The following DAB2IP variants were observed in gnomAD, a reference collection of about 807,000 sequenced individuals.
The protein encoded by DAB2IP is disabled homolog 2-interacting protein.
In DAB2IP, 28 loss-of-function variants were observed where a neutral mutation model predicts 107.2. That is an observed-to-expected ratio of 0.26 (90% CI 0.19 to 0.36). The LOEUF (loss-of-function observed/expected upper bound fraction) is 0.36. Ranked by LOEUF, DAB2IP falls within the 10% of genes least tolerant of loss-of-function variation. The pLI is 1.00. For missense variants in DAB2IP, 1,400 were observed against 1,644.7 expected, an observed-to-expected ratio of 0.85 and a Z score of 2.57; for synonymous variants, 755 against 706.4, an observed-to-expected ratio of 1.07 and a Z score of -1.09.
At chr9:121,663,372 A>T (rs1288600236) in intron 1 of DAB2IP, among the ~76,000 whole-genome samples, 1 of 151,964 alleles carries the variant, frequency 6.6e-6, no homozygotes, top group East Asian at 1.9e-4. Context: ...TCTCATTAGC[A>T]CCTCTGCCCC....
At chr9:121,724,751 CA>C (rs1831139687) in intron 3 of DAB2IP, among the ~76,000 whole-genome samples, 1 of 152,180 alleles carries the variant, frequency 6.6e-6, no homozygotes, top group African/African-American at 2.4e-5. Context: ...CATACAGCTG[CA>C]GCGGGACAGA....
intron 3 of DAB2IP, among the ~76,000 whole-genome samples, chr9:121,738,113 C>T (rs995839699): frequency 2.6e-5 from 4 of 152,260 alleles, no homozygotes; most frequent in East Asian, 3.9e-4. Flanking sequence ...TTGTGGGGCA[C>T]CTGGAAGGTG....
At chr9:121,657,462 C>T (rs1833014283) in intron 1 of DAB2IP, among the ~76,000 whole-genome samples, 1 of 152,172 alleles carries the variant, frequency 6.6e-6, no homozygotes, top group Admixed American at 6.5e-5. Context: ...CCAAGAGCTC[C>T]CCCTGATTAC....
At chr9:121,743,807 C>T (rs966168745) in intron 3 of DAB2IP, among the ~76,000 whole-genome samples, 6 of 152,192 alleles carry the variant, frequency 3.9e-5, no homozygotes, top group African/African-American at 9.7e-5. Flanking sequence ...ATGAGCTGGG[C>T]GGCAGCAGAC....
At chr9:121,661,438 G>T (rs1056335725) in intron 1 of DAB2IP, among the ~76,000 whole-genome samples, 1 of 152,100 alleles carries the variant, frequency 6.6e-6, no homozygotes, top group Non-Finnish European at 1.5e-5. Context: ...CTCCCCATCA[G>T]GAGCAGCCTC....
intron 1 of DAB2IP, among the ~76,000 whole-genome samples, chr9:121,606,993 T>C (rs1247079452): frequency 6.6e-6 from 1 of 152,112 alleles, no homozygotes; most frequent in African/African-American, 2.4e-5. Flanking sequence ...CAGGCTGGTC[T>C]CAAACTCCTG....
chr9:121,647,297 A>T (rs564118475), upstream of DAB2IP, among the ~76,000 whole-genome samples: 1 of 152,304 alleles, frequency 6.6e-6, no homozygotes, highest in Admixed American at 6.5e-5. Flanking sequence ...GAAATGGGTG[A>T]TCTGTCTTAA....
chr9:121,771,854 G>A (rs1293327593), intron 11 of DAB2IP, among the ~76,000 whole-genome samples: 1 of 150,382 alleles, frequency 6.6e-6, no homozygotes, highest in African/African-American at 2.5e-5. Context: ...AGCCCCCCAA[G>A]TCCTTGCAGC....
At chr9:121,579,065 G>A (rs540811914) in intron 1 of DAB2IP, among the ~76,000 whole-genome samples, 41 of 152,146 alleles carry the variant, frequency 2.7e-4, no homozygotes, top group African/African-American at 9.4e-4. Context: ...GTAGGTCAGG[G>A]CAGGGTCCCT....
Position 121,612,730 on chromosome 9 carries a change from T to C in DAB2IP, c.40+45502T>C, listed in dbSNP as rs187072356. ...TTGGTGAAGTTGCTGTAGACAGCAG[T>C]GTGTGTGTGTTTGTGTGTTGTGTGT... is the stretch of plus-strand genomic sequence containing the variant. On this transcript the variant is annotated intron_variant, in intron 1 of 16. Coordinates refer to the DAB2IP transcript ENST00000259371. Among the ~76,000 whole-genome samples, 408 of 152,128 alleles carry C rather than the reference T, an allele frequency of 2.7e-3. 5 individuals carry two copies. Among genetic ancestry groups the C allele is most frequent in the African/African-American group, 8.9e-3 (370 of 41,494 alleles).
chr9:121,628,169 A>G (rs1037372277), intron 1 of DAB2IP, among the ~76,000 whole-genome samples: 8 of 152,248 alleles, frequency 5.3e-5, no homozygotes, highest in Non-Finnish European at 8.8e-5. Flanking sequence ...ATGTGGGTGC[A>G]GTGAATCTGC....
At chr9:121,752,642 G>C (rs1366912824) in intron 3 of DAB2IP, among the ~76,000 whole-genome samples, 3 of 152,350 alleles carry the variant, frequency 2.0e-5, no homozygotes, top group East Asian at 3.9e-4. Context: ...GGATGGAGGG[G>C]CCCAGCAGGC....
At position 121,662,020 on chromosome 9, in the gene DAB2IP, A is replaced by G. The variant is rs941820462; in HGVS notation, c.124+10121A>G. ...AAAAAACCCAACTCCTAAGATTACA[A>G]AAAGCAGTAAATATCTATTACAGAA... On this transcript the variant is annotated intron_variant, in intron 1 of 15. Transcript: ENST00000408936. This position sits in a 1 kb window ranked among gnomAD's most constrained non-coding sequence, Gnocchi z 4.6. Among the ~76,000 whole-genome samples, 4 of 152,238 alleles carry G rather than the reference A, an allele frequency of 2.6e-5. No individual in the cohort carries two copies. The highest frequency in any genetic ancestry group is 1.9e-4 in the East Asian group (1 of 5,176).
chr9:121,742,893 A>G (rs1401451315), intron 3 of DAB2IP: 1 of 985,342 alleles, frequency 1.0e-6, no homozygotes, highest in Non-Finnish European at 1.2e-6. Flanking sequence ...GCTCAAACTG[A>G]AAGCCTGGTG....
chr9:121,593,999 T>C (rs73544274), intron 1 of DAB2IP, among the ~76,000 whole-genome samples: 7,961 of 151,988 alleles, frequency 0.052, 451 homozygotes, highest in African/African-American at 0.14. Flanking sequence ...GATCAAGTTC[T>C]TTCCATCCTC....
intron 1 of DAB2IP, among the ~76,000 whole-genome samples, chr9:121,626,224 C>T (rs1831640587): frequency 6.6e-6 from 1 of 151,930 alleles, no homozygotes; most frequent in African/African-American, 2.4e-5. Flanking sequence ...TGAGCTCTTG[C>T]CTTGTGCCTG....
At chr9:121,665,833 A>T (rs1833396663) in intron 1 of DAB2IP, among the ~76,000 whole-genome samples, 1 of 152,204 alleles carries the variant, frequency 6.6e-6, no homozygotes, top group African/African-American at 2.4e-5. Context: ...GAGAGATGGG[A>T]GCCCTTGAAA....
intron 3 of DAB2IP, among the ~76,000 whole-genome samples, chr9:121,715,085 C>G (rs1349919880): frequency 6.6e-6 from 1 of 152,218 alleles, no homozygotes; most frequent in Non-Finnish European, 1.5e-5. Context: ...GGAACCCATG[C>G]CAAGGGGCAT....
rs146939834 is a variant in DAB2IP at position 121,772,439 on chromosome 9, C to G, written c.2079-168C>G. Among the ~76,000 whole-genome samples the G allele has an allele frequency of 5.9e-5, 9 of 152,294 alleles. No individual in the cohort carries two copies. The highest frequency in any genetic ancestry group is 4.6e-4 in the Admixed American group (7 of 15,308). On this transcript the variant is annotated intron_variant, in intron 11 of 15. Coordinates refer to ENST00000408936, the Ensembl canonical transcript of DAB2IP. The surrounding 1 kb of genome is among the most constrained non-coding windows in gnomAD (Gnocchi z 4.7). ...AGGAGCAGCCGCCTCAGCCTCTGGT[C>G]CCCGGATTCTCCCACTCCTGCCACC...
Sources: gnomAD v4.1 joint callset for allele counts (sites outside exome capture counted in the v4.1 genomes callset) on GRCh38, gnomAD v4.1.1 for gene constraint, Gnocchi (gnomAD v3.1) non-coding constraint, MANE v1.5 for transcripts, NCBI Gene and HGNC (gene_info 2026-07-23, HGNC 2026-07-21) for gene names.